Variants in FAXDC2 observed in about 807,000 individuals in gnomAD.
FAXDC2 encodes fatty acid hydroxylase domain containing 2.
FAXDC2 carries 41 observed loss-of-function variants against 40.9 expected under a neutral mutation model. That is an observed-to-expected ratio of 1.00 (90% confidence interval 0.78 to 1.30). FAXDC2 has a LOEUF of 1.30. Among genes scored for constraint, FAXDC2 ranks in the 50% most tolerant of loss-of-function variants. The probability of loss-of-function intolerance (pLI) is 0.00; values close to 1 mark genes in which losing one functional copy is unlikely to be tolerated. For missense variants in FAXDC2, 390 were observed against 408.8 expected, an observed-to-expected ratio of 0.95 and a Z score of 0.40; for synonymous variants, 157 against 149.3, an observed-to-expected ratio of 1.05 and a Z score of -0.38.
rs377649908 is a variant in FAXDC2, at chr5:154,848,101, T to C, written c.-1+2382A>G. Among the ~76,000 whole-genome samples the C allele has an allele frequency of 2.5e-3, 382 of 152,146 alleles. 2 individuals are homozygous for C. Among genetic ancestry groups the C allele is most frequent in the African/African-American group, 9.0e-3 (372 of 41,516 alleles). On this transcript the variant is annotated intron_variant, in intron 1 of 8. Transcript: ENST00000326080. ...TGATCCGCCCGCCTCGGCCTCCCAA[T>C]GTGCTGGGATTACAGGCGTGAGCCA...
rs572802766 is a variant in FAXDC2 at position 154,820,955 on chromosome 5, ATGACT to A, written c.845+300_845+304del. ...AAAAGTCTGGGGCTTTCAGAGATAC[ATGACT>A]TCCTTGTGATTGCCTGCAGGAGTTT... On this transcript the variant is annotated intron_variant, in intron 8 of 8. Transcript: ENST00000326080. The A allele has an allele frequency of 3.3e-4, 111 of 341,272 alleles. No individual in the cohort carries two copies. The East Asian group carries it at 8.5e-3, about 26-fold the overall frequency. The allele number at this position is 341,272 out of a possible 1,614,324, so 21.1% of individuals were successfully genotyped here. A position where few individuals can be genotyped will look rare whatever the true frequency, so the allele number is the denominator to read the frequency against.
At chr5:154,845,962 A>G (rs930284434) in intron 1 of FAXDC2, among the ~76,000 whole-genome samples, 8 of 150,306 alleles carry the variant, frequency 5.3e-5, no homozygotes, top group African/African-American at 1.5e-4. Context: ...ATTTTTGTAT[A>G]TATATATATA....
Position 154,820,015 on chromosome 5 carries a change from C to T in FAXDC2, c.*301G>A, listed in dbSNP as rs1759838292. The T allele has an allele frequency of 4.1e-6, 1 of 246,382 alleles. No individual in the cohort carries two copies. Among genetic ancestry groups the T allele is most frequent in the Admixed American group, 5.7e-5 (1 of 17,462 alleles). The allele number at this position is 246,382 out of a possible 1,614,324, so 15.3% of individuals were successfully genotyped here. A position where few individuals can be genotyped will look rare whatever the true frequency, so the allele number is the denominator to read the frequency against. On this transcript the variant is annotated 3_prime_UTR_variant, in exon 9 of 9. Transcript: ENST00000326080. Reference sequence around the variant, plus strand: ...CACAAAGGAGTTATCTGGGGCTGAACCCCTCTCCTTCCACAGCAGAGGACC... The same window carrying T: ...CACAAAGGAGTTATCTGGGGCTGAATCCCTCTCCTTCCACAGCAGAGGACC...
chr5:154,834,587 C>T (rs1445165140), intron 4 of FAXDC2, 38 bp downstream of exon 4: 4 of 1,308,456 alleles, frequency 3.1e-6, no homozygotes, highest in East Asian at 2.3e-5. Flanking sequence ...TATAATCATG[C>T]ACCCACATGC....
intron 2 of FAXDC2, chr5:154,835,326 C>T (rs890824746): frequency 1.1e-5 from 2 of 179,476 alleles, no homozygotes; most frequent in African/African-American, 4.8e-5. Flanking sequence ...TAAAAAAAGT[C>T]CCAATACCCA....
chr5:154,820,192 C>G lies in FAXDC2; in HGVS notation c.*124G>C. On this transcript the variant is annotated 3_prime_UTR_variant, in exon 9 of 9. Transcript: ENST00000326080. ...TGCTTTTCCGGGAAGCCGACCTTCC[C>G]TCTACCCTGGTGGTGCCATCATTAG... is the stretch of plus-strand genomic sequence containing the variant. The G allele has an allele frequency of 1.3e-6, 1 of 780,300 alleles. No homozygotes were observed. The highest frequency in any genetic ancestry group is 1.8e-5 in the South Asian group (1 of 54,156). 48.3% of individuals were successfully genotyped at this position (780,300 alleles called of 1,614,324 possible).
chr5:154,850,028 T>A (rs1582546419), intron 1 of FAXDC2, among the ~76,000 whole-genome samples: 1 of 152,230 alleles, frequency 6.6e-6, no homozygotes, highest in African/African-American at 2.4e-5. Flanking sequence ...TTTTGCCCCA[T>A]ACCTTCCTGG....
At chr5:154,835,667 G>A (rs1023123711) in intron 2 of FAXDC2, among the ~76,000 whole-genome samples, 2 of 151,624 alleles carry the variant, frequency 1.3e-5, no homozygotes, top group African/African-American at 2.4e-5. Context: ...TGCCAGCTCC[G>A]CCTCCCGGGT....
chr5:154,840,976 A>G (rs545803940), intron 1 of FAXDC2, among the ~76,000 whole-genome samples: 6 of 152,306 alleles, frequency 3.9e-5, no homozygotes, highest in African/African-American at 1.2e-4. Context: ...TATCATTACC[A>G]CTGTGAGTCC....
intron 1 of FAXDC2, among the ~76,000 whole-genome samples, chr5:154,845,144 T>C (rs891952117): frequency 6.6e-6 from 1 of 152,194 alleles, no homozygotes; most frequent in Admixed American, 6.5e-5. Context: ...AGTCCTCCAA[T>C]TGTATTGTTC....
intron 1 of FAXDC2, among the ~76,000 whole-genome samples, chr5:154,844,909 G>A (rs184656368): frequency 2.6e-3 from 395 of 152,256 alleles, no homozygotes; most frequent in Non-Finnish European, 4.1e-3. Context: ...TGATAAGTAT[G>A]TTTGACACTG....
chr5:154,840,679 G>C (rs1033747716), intron 1 of FAXDC2, among the ~76,000 whole-genome samples: 1 of 152,036 alleles, frequency 6.6e-6, no homozygotes, highest in African/African-American at 2.4e-5. Context: ...GAGTAGCTGG[G>C]AATACAGACT....
intron 5 of FAXDC2, chr5:154,824,634 A>C: frequency 1.4e-6 from 1 of 697,104 alleles, no homozygotes; most frequent in Non-Finnish European, 2.6e-6. Flanking sequence ...TATCACATCT[A>C]TCTATTCATT....
At chr5:154,832,212 TTTTG>T (rs1760209762) in intron 4 of FAXDC2, among the ~76,000 whole-genome samples, 2 of 145,870 alleles carry the variant, frequency 1.4e-5, no homozygotes, top group East Asian at 3.9e-4. Context: ...ACATATTTAC[TTTTG>T]TTTTTTTTTT....
chr5:154,845,453 G>A (rs536476154), intron 1 of FAXDC2, among the ~76,000 whole-genome samples: 10 of 152,074 alleles, frequency 6.6e-5, no homozygotes, highest in Non-Finnish European at 1.0e-4. Flanking sequence ...GGAGTGTGCC[G>A]TCTTAAGAAC....
In FAXDC2 at chr5:154,834,733, G is replaced by GA. The variant is rs758755926; in HGVS notation, c.141-6dup. On this transcript the variant is annotated splice_region_variant and splice_polypyrimidine_tract_variant and intron_variant, in intron 3 of 8. Transcript: ENST00000326080. The stretch of plus-strand genomic sequence containing the variant: ...CCCCAAAATCTCTGAAGATGCCTTG[G>GA]AAAAAAAACCAGGTTTCTGGGTGAA... 479 of 1,611,914 alleles carry GA rather than the reference G, an allele frequency of 3.0e-4. 4 individuals carry two copies. The East Asian group carries it at 9.5e-3, about 32-fold the overall frequency.
In FAXDC2 at chr5:154,819,759, GGGTGAAGT is replaced by G. The variant is rs1308317016; in HGVS notation, c.*549_*556del. 1 of 153,284 alleles carries G rather than the reference GGGTGAAGT, an allele frequency of 6.5e-6. No homozygotes were observed. Among genetic ancestry groups the G allele is most frequent in the Non-Finnish European group, 1.5e-5 (1 of 68,488 alleles). The allele number at this position is 153,284 out of a possible 1,614,324, so 9.5% of individuals were successfully genotyped here. A position where few individuals can be genotyped will look rare whatever the true frequency, so the allele number is the denominator to read the frequency against. On this transcript the variant is annotated 3_prime_UTR_variant, in exon 9 of 9. Coordinates refer to ENST00000326080, the MANE Select transcript of FAXDC2 (RefSeq NM_032385.5). ...GTGTGTGTATGTTTGTGTGTGTGTT[GGGTGAAGT>G]GGCGACTGGCATCTGGTATGTCATG...
At chr5:154,824,210 C>T (rs1330549946) in intron 5 of FAXDC2, 1 of 470,272 alleles carries the variant, frequency 2.1e-6, no homozygotes, top group African/African-American at 1.9e-5. Context: ...CAGAGCTGGT[C>T]CCAAGTGTCC....
At chr5:154,830,563 G>T (rs184607049) in intron 5 of FAXDC2, 185 of 426,216 alleles carry the variant, frequency 4.3e-4, no homozygotes, top group Admixed American at 1.2e-3. Context: ...GGCAGGTCCA[G>T]AGCCTGGGCC....
Sources: allele counts gnomAD v4.1 joint callset (sites outside exome capture counted in the v4.1 genomes callset), GRCh38; gene constraint gnomAD v4.1.1; transcripts MANE v1.5; gene names NCBI Gene and HGNC (gene_info 2026-07-23, HGNC 2026-07-21).